SLC47A2: variants seen among roughly 807,000 people sequenced by gnomAD.
The protein encoded by SLC47A2 is solute carrier family 47 member 2, also known as multidrug and toxin extrusion protein 2.
Under a neutral mutation model 67.7 loss-of-function variants are expected in SLC47A2, and 52 were observed. The ratio of observed to expected loss-of-function variants is 0.77; its 90% CI spans 0.61 to 0.97. The LOEUF (loss-of-function observed/expected upper bound fraction) is 0.97. SLC47A2 is among the 50% of genes least tolerant of loss of function. The probability of loss-of-function intolerance (pLI) is 0.00; values close to 1 mark genes in which losing one functional copy is unlikely to be tolerated. For missense variants in SLC47A2, 676 were observed against 712.3 expected (o/e 0.95, Z 0.58); for synonymous variants, 278 against 292.9 (o/e 0.95, Z 0.52).
chr17:19,695,148 G>A (rs2085631319), intron 13 of SLC47A2, among the ~76,000 whole-genome samples: 1 of 151,946 alleles, frequency 6.6e-6, no homozygotes. Flanking sequence ...TAGACAGGAA[G>A]AAAAAGTTTA....
rs547603323 is a variant in SLC47A2 at position 19,685,213 on chromosome 17, G to A, written c.1165-3543C>T. On this transcript the variant is annotated intron_variant, in intron 13 of 16. Coordinates refer to ENST00000433844, the MANE Select transcript of SLC47A2 (RefSeq NM_001099646.3). This position sits in a 1 kb window ranked among gnomAD's most constrained non-coding sequence, Gnocchi z 4.5. ...TTGCTACAACCTCCATCTCCCAGCT[G>A]CCTGCCTTGGCCTCCCAAAGTGCTA... is the stretch of plus-strand genomic sequence containing the variant. Among the ~76,000 whole-genome samples, 6 of 152,178 alleles carry A rather than the reference G, an allele frequency of 3.9e-5. No homozygotes were observed. The East Asian group carries it at 1.2e-3, about 29-fold the overall frequency.
intron 13 of SLC47A2, among the ~76,000 whole-genome samples, chr17:19,694,644 G>A (rs1003879412): frequency 2.6e-5 from 4 of 152,252 alleles, no homozygotes; most frequent in Admixed American, 6.5e-5. Context: ...GAGGCCAGGC[G>A]CTGTGGCTCA....
rs1328828248 is a variant in SLC47A2 at position 19,704,165 on chromosome 17, AG to A, written c.922del (p.Leu308SerfsTer32). On this transcript the variant is annotated frameshift_variant, in exon 11 of 17. Transcript: ENST00000433844. LOFTEE classifies it high-confidence loss of function. ...ATVTYMIPLG[L>X]SIGVCVRVGM... ...CACTCGGACACAGACCCCGATGCTGAGCCCCAAGGGAATCTGGGATCAAAGA... is the reference window on the plus strand; with the variant it reads ...CACTCGGACACAGACCCCGATGCTGACCCCAAGGGAATCTGGGATCAAAGA... 6.2e-7 allele frequency: 1 copy of A among 1,608,286 alleles called. No individual in the cohort carries two copies. Among genetic ancestry groups the A allele is most frequent in the Admixed American group, 1.7e-5 (1 of 58,900 alleles).
At chr17:19,709,996 A>G (rs982911160) in intron 5 of SLC47A2, among the ~76,000 whole-genome samples, 2 of 152,324 alleles carry the variant, frequency 1.3e-5, no homozygotes, top group East Asian at 3.9e-4. Context: ...AGGTCATGGC[A>G]CTGGCCTGGC....
chr17:19,712,607 G>A, intron 5 of SLC47A2, 96 bp downstream of exon 5: 1 of 1,341,728 alleles, frequency 7.5e-7, no homozygotes, highest in South Asian at 1.2e-5. Flanking sequence ...GGAAGTCACA[G>A]CAGGATAGGG....
rs35606212 is a variant in SLC47A2, at chr17:19,696,460, C to CA, written c.1164+6144dup. On this transcript the variant is annotated intron_variant, in intron 13 of 16. Transcript: ENST00000433844. ...CTGGCAACATAGCAAGACTCCATCT[C>CA]AAAAAAAAAAAAAAAAAATAGAGAG... Among the ~76,000 whole-genome samples, 849 of 110,708 alleles carry CA rather than the reference C, an allele frequency of 7.7e-3. 12 individuals are homozygous for CA. The highest frequency in any genetic ancestry group is 0.022 in the African/African-American group (631 of 28,220). The allele number at this position is 110,708 out of a possible 152,430, so 72.6% of individuals were successfully genotyped here.
intron 13 of SLC47A2, among the ~76,000 whole-genome samples, chr17:19,691,443 T>A (rs1199977198): frequency 6.6e-6 from 1 of 152,214 alleles, no homozygotes; most frequent in Non-Finnish European, 1.5e-5. Context: ...TCCTGTCACT[T>A]GCAACAACAT....
rs34169093 is a variant in SLC47A2, at chr17:19,704,119, C to T, written c.969G>A (p.Ala323=). The T allele has an allele frequency of 0.031, 49,907 of 1,612,154 alleles. 1,463 individuals carry two copies. Among genetic ancestry groups the T allele is most frequent in the African/African-American group, 0.16 (11,694 of 74,920 alleles). ...CCGAGCGCTTGGCCTGCACAGTATC[C>T]GCAGCCCCCAGAGCCATCCCCACTC... is the stretch of plus-strand genomic sequence containing the variant. ...CVRVGMALGA[A]DTVQAKRSAV... is the part of the protein sequence containing the mutation. The change falls in exon 11 of 17, where the codon GCG becomes GCA. Residue 323 remains alanine, a synonymous_variant. Coordinates refer to ENST00000433844, the MANE Select transcript of SLC47A2 (RefSeq NM_001099646.3).
chr17:19,716,704 G>A, upstream of SLC47A2: 5 of 1,216,986 alleles, frequency 4.1e-6, no homozygotes, highest in Non-Finnish European at 5.5e-6. Flanking sequence ...GGCAACTTGT[G>A]GGATGAGCCC....
chr17:19,703,028 T>C, intron 12 of SLC47A2, 64 bp downstream of exon 12: 1 of 1,518,336 alleles, frequency 6.6e-7, no homozygotes, highest in South Asian at 1.1e-5. Context: ...GTGATAAATC[T>C]GAGGACACAC....
chr17:19,691,335 T>C (rs1481054727), intron 13 of SLC47A2, among the ~76,000 whole-genome samples: 1 of 152,188 alleles, frequency 6.6e-6, no homozygotes, highest in Non-Finnish European at 1.5e-5. Context: ...TAGCCGAGAT[T>C]TGCAAGCAAC....
At position 19,702,620 on chromosome 17, in the gene SLC47A2, C is replaced by T; in HGVS notation, c.1149G>A (p.Val383=). Residue 383 remains valine, a synonymous_variant, in exon 13 of 17, where the codon GTG becomes GTA. Transcript: ENST00000433844. ...QVLPVYSVFH[V]FEAICCVYGG... ...TGGTACTTACACAGATGGCCTCAAA[C>T]ACGTGAAAGACACTATAAACCGGCA... is the stretch of plus-strand genomic sequence containing the variant. 2 of 1,613,994 alleles carry T rather than the reference C, an allele frequency of 1.2e-6. No individual in the cohort carries two copies. The highest frequency in any genetic ancestry group is 1.1e-5 in the South Asian group (1 of 90,996).
intron 10 of SLC47A2, chr17:19,704,806 T>C (rs1183458315): frequency 2.6e-5 from 17 of 654,280 alleles, no homozygotes; most frequent in Non-Finnish European, 4.1e-5. Context: ...TGTGGCCTGC[T>C]GCTCGATGGA....
chr17:19,704,472 G>A (rs2085874064), intron 10 of SLC47A2, among the ~76,000 whole-genome samples: 1 of 152,248 alleles, frequency 6.6e-6, no homozygotes, highest in East Asian at 1.9e-4. Context: ...CAAATCAAAT[G>A]AGTAAACAGA....
At chr17:19,704,686 G>A (rs1293678394) in intron 10 of SLC47A2, 1 of 1,550,102 alleles carries the variant, frequency 6.5e-7, no homozygotes, top group Non-Finnish European at 8.7e-7. Context: ...CAAGACGATG[G>A]CTGTGTCTCT....
At position 19,708,345 on chromosome 17, in the gene SLC47A2, C is replaced by T. The variant is rs746315753; in HGVS notation, c.586G>A (p.Val196Met). 1.2e-6 allele frequency: 2 copies of T among 1,613,790 alleles called. No individual in the cohort carries two copies. The highest frequency in any genetic ancestry group is 1.7e-6 in the Non-Finnish European group (2 of 1,180,020). The change falls in exon 7 of 17, where the codon GTG becomes ATG. Residue 196 changes from valine to methionine, a missense_variant. By Grantham distance (21) the Val-to-Met change is conservative. Transcript: ENST00000433844. ...SGVVGNCVNG[V>M]ANYALVSVLN... ...ACAGAAACCAGGGCATAGTTGGCCACACCGTTGACACAGTTGCCCACCACA... is the reference window on the plus strand; with the variant it reads ...ACAGAAACCAGGGCATAGTTGGCCATACCGTTGACACAGTTGCCCACCACA...
At chr17:19,683,312 C>A (rs78025555) in intron 13 of SLC47A2, among the ~76,000 whole-genome samples, 2 of 152,042 alleles carry the variant, frequency 1.3e-5, no homozygotes, top group South Asian at 2.1e-4. Flanking sequence ...CCCAGGGGAC[C>A]GCCCTCCCCC....
At chr17:19,717,640 A>T (rs1730745499), upstream of SLC47A2, 1 of 152,016 alleles carries the variant, frequency 6.6e-6, no homozygotes, top group Non-Finnish European at 1.5e-5. Flanking sequence ...GGCCGGCAGG[A>T]TTCCGAGATG....
intron 13 of SLC47A2, among the ~76,000 whole-genome samples, chr17:19,687,593 A>G (rs1421066307): frequency 6.6e-6 from 1 of 152,136 alleles, no homozygotes; most frequent in African/African-American, 2.4e-5. Flanking sequence ...TAAACAAAAT[A>G]GACAAAGCTT....
Sources: gnomAD v4.1 joint callset for allele counts (sites outside exome capture counted in the v4.1 genomes callset) on GRCh38, gnomAD v4.1.1 for gene constraint, Gnocchi (gnomAD v3.1) non-coding constraint, MANE v1.5 for transcripts, NCBI Gene and HGNC (gene_info 2026-07-23, HGNC 2026-07-21) for gene names.